Variants in LRP1B observed in about 807,000 individuals in gnomAD.
LRP1B encodes LDL receptor related protein 1B, also known as low-density lipoprotein receptor-related protein 1B.
LRP1B carries 217 observed loss-of-function variants against 556.6 expected under a neutral mutation model. That is an observed-to-expected ratio of 0.39 (90% CI 0.35 to 0.44). The LOEUF is 0.44. Ranked by LOEUF, LRP1B falls within the 20% of genes least tolerant of loss-of-function variation. LRP1B has a pLI of 1.00. For missense variants in LRP1B, 5,053 were observed against 5,620.8 expected, an observed-to-expected ratio of 0.90 and a Z score of 3.23; for synonymous variants, 2,047 against 1,865.8, an observed-to-expected ratio of 1.10 and a Z score of -2.50.
intron 1 of LRP1B, among the ~76,000 whole-genome samples, chr2:141,825,940 A>T (rs910100757): frequency 6.6e-6 from 1 of 152,180 alleles, no homozygotes; most frequent in Admixed American, 6.5e-5. Flanking sequence ...ATAATAAAGA[A>T]ATTACTGAGA....
rs1374480076 is a variant in LRP1B at position 140,701,854 on chromosome 2, A to C, written c.6303-9T>G. On this transcript the variant is annotated splice_polypyrimidine_tract_variant and intron_variant, in intron 39 of 90. Coordinates refer to ENST00000389484, the MANE Select transcript of LRP1B (RefSeq NM_018557.3). ...ACCCGTTTGCATGTGCTCTGCCAAAAAGTTGAACATACATGATCAACAATC... is the reference window on the plus strand; with the variant it reads ...ACCCGTTTGCATGTGCTCTGCCAAACAGTTGAACATACATGATCAACAATC... The C allele has an allele frequency of 6.2e-7, 1 of 1,612,550 alleles. No homozygotes were observed. Among genetic ancestry groups the C allele is most frequent in the African/African-American group, 1.3e-5 (1 of 74,794 alleles).
chr2:141,394,162 T>A (rs187680836), intron 3 of LRP1B, among the ~76,000 whole-genome samples: 105 of 152,274 alleles, frequency 6.9e-4, no homozygotes, highest in African/African-American at 2.5e-3. Context: ...CAAAATGTTC[T>A]CTATTTGTTA....
chr2:140,716,982 A>G (rs1687235948), intron 35 of LRP1B, among the ~76,000 whole-genome samples, 166 bp from the exon 36 acceptor site: 1 of 152,088 alleles, frequency 6.6e-6, no homozygotes, highest in Non-Finnish European at 1.5e-5. Flanking sequence ...GTAAAAAAAA[A>G]GCATGAAAAG....
At chr2:141,641,615 C>G (rs1431195530) in intron 2 of LRP1B, among the ~76,000 whole-genome samples, 2 of 152,132 alleles carry the variant, frequency 1.3e-5, no homozygotes, top group Non-Finnish European at 2.9e-5. Flanking sequence ...TAACTGTCTT[C>G]CAGTGAAGCT....
intron 56 of LRP1B, among the ~76,000 whole-genome samples, chr2:140,493,121 C>T (rs544376078): frequency 2.0e-5 from 3 of 152,270 alleles, no homozygotes; most frequent in Non-Finnish European, 4.4e-5. Context: ...AGGATGACCT[C>T]AGTGAAGACC....
chr2:140,292,288 T>C (rs1683420242), intron 84 of LRP1B, among the ~76,000 whole-genome samples: 2 of 152,172 alleles, frequency 1.3e-5, no homozygotes, highest in African/African-American at 4.8e-5. Context: ...ATTCACATAT[T>C]AGATAAAATA....
At position 141,008,522 on chromosome 2, in the gene LRP1B, A is replaced by G. The variant is rs1434927641; in HGVS notation, c.2381-3065T>C. Among the ~76,000 whole-genome samples, 4 of 151,758 alleles carry G rather than the reference A, an allele frequency of 2.6e-5. No homozygotes were observed. In the South Asian group the frequency reaches 6.2e-4, roughly 24 times the overall value. On this transcript the variant is annotated intron_variant, in intron 14 of 90. Coordinates refer to ENST00000389484, the MANE Select transcript of LRP1B (RefSeq NM_018557.3). ...AAAATAAAATTAGATCGAAAAAGAC[A>G]TACTAAATATACCAAAACCAACAAA... is the stretch of plus-strand genomic sequence containing the variant.
intron 60 of LRP1B, among the ~76,000 whole-genome samples, chr2:140,466,889 C>T (rs1379338351): frequency 6.6e-6 from 1 of 152,150 alleles, no homozygotes; most frequent in African/African-American, 2.4e-5. Flanking sequence ...CCTAAAATAT[C>T]TGAAGTTCAA....
chr2:142,045,995 T>A (rs1704245439), intron 1 of LRP1B, among the ~76,000 whole-genome samples: 1 of 151,894 alleles, frequency 6.6e-6, no homozygotes, highest in South Asian at 2.1e-4. Context: ...TTTGGGGTAA[T>A]GATAGAATGA....
At chr2:141,881,786 T>C (rs545452201) in intron 1 of LRP1B, among the ~76,000 whole-genome samples, 2 of 152,200 alleles carry the variant, frequency 1.3e-5, no homozygotes, top group South Asian at 4.1e-4. Context: ...TCACTGATGG[T>C]GAATTATCGA....
intron 41 of LRP1B, among the ~76,000 whole-genome samples, chr2:140,619,232 T>A (rs1013305071): frequency 6.6e-6 from 1 of 152,052 alleles, no homozygotes; most frequent in African/African-American, 2.4e-5. Flanking sequence ...CTCAAGCTCA[T>A]CAACAAGGAA....
chr2:140,546,091 G>A (rs1242344099), intron 43 of LRP1B, among the ~76,000 whole-genome samples: 1 of 151,320 alleles, frequency 6.6e-6, no homozygotes, highest in Admixed American at 6.6e-5. Context: ...TTTGGTAGTT[G>A]TTAGTGTACA....
chr2:140,483,628 ATATATATATATATTT>A (rs1688337957), intron 59 of LRP1B, among the ~76,000 whole-genome samples: 1 of 45,032 alleles, frequency 2.2e-5, no homozygotes, highest in Non-Finnish European at 5.0e-5. Context: ...ATATATATAT[ATATATATATATATTT>A]TTTTTTTTTT....
In LRP1B at chr2:140,851,722, A is replaced by G; in HGVS notation, c.4641T>C (p.Asn1547=). The part of the protein sequence containing the change: ...KGPCSHMCLI[N]HNRSAACACP... ...ACGCACAGGCAGCACTCCTATTGTG[A>G]TTGATTAGACACATGTGAGAGCAGG... Residue 1547 remains asparagine (N), a synonymous_variant, in exon 28 of 91, where the codon AAT becomes AAC. Transcript: ENST00000389484. 6.2e-7 allele frequency: 1 copy of G among 1,610,670 alleles called. No individual in the cohort carries two copies. Among genetic ancestry groups the G allele is most frequent in the Admixed American group, 1.7e-5 (1 of 59,080 alleles).
intron 15 of LRP1B, among the ~76,000 whole-genome samples, chr2:141,003,768 T>A (rs1697491579): frequency 6.6e-6 from 1 of 152,004 alleles, no homozygotes; most frequent in African/African-American, 2.4e-5. Context: ...ATAGTAATAG[T>A]ACCTTCCTTA....
chr2:141,153,723 C>T (rs560847519), intron 7 of LRP1B, among the ~76,000 whole-genome samples: 3 of 149,304 alleles, frequency 2.0e-5, no homozygotes, highest in Non-Finnish European at 4.5e-5. Context: ...ATCTTGAACA[C>T]GTGGGAGCTA....
chr2:141,715,201 C>A (rs999190023), intron 2 of LRP1B, among the ~76,000 whole-genome samples: 3 of 152,124 alleles, frequency 2.0e-5, no homozygotes, highest in African/African-American at 7.2e-5. Context: ...GGCGTGGTGA[C>A]TCATACCTGT....
At chr2:142,094,498 TAA>T (rs1162180526) in intron 1 of LRP1B, among the ~76,000 whole-genome samples, 1 of 152,038 alleles carries the variant, frequency 6.6e-6, no homozygotes, top group African/African-American at 2.4e-5. Flanking sequence ...ACAAATTTGT[TAA>T]GTGACAGCAC....
At chr2:141,911,249 T>C (rs1009643654) in intron 1 of LRP1B, among the ~76,000 whole-genome samples, 8 of 152,224 alleles carry the variant, frequency 5.3e-5, no homozygotes, top group Admixed American at 3.9e-4. Context: ...TGTATTACAT[T>C]TAATGCAATC....
Sources: gnomAD v4.1 joint callset for allele counts (sites outside exome capture counted in the v4.1 genomes callset) on GRCh38, gnomAD v4.1.1 for gene constraint, MANE v1.5 for transcripts, NCBI Gene and HGNC (gene_info 2026-07-23, HGNC 2026-07-21) for gene names.